DLGAP1: variants seen among roughly 807,000 people sequenced by gnomAD.
DLGAP1 encodes disks large-associated protein 1.
Under a neutral mutation model 90.8 loss-of-function variants are expected in DLGAP1, and 11 were observed. The observed-to-expected ratio is 0.12, with a 90% CI of 0.08 to 0.20. DLGAP1 has a LOEUF of 0.20. Among genes scored for constraint, DLGAP1 ranks in the 10% least tolerant of loss-of-function variants. DLGAP1 has a pLI of 1.00. For synonymous variants in DLGAP1, 558 were observed against 540.7 expected, an observed-to-expected ratio of 1.03 and a Z score of -0.44; for missense variants, 1,050 against 1,333.8, an observed-to-expected ratio of 0.79 and a Z score of 3.31.
intron 5 of DLGAP1, among the ~76,000 whole-genome samples, chr18:3,746,827 A>C (rs1309532290): frequency 6.6e-6 from 1 of 152,204 alleles, no homozygotes; most frequent in African/African-American, 2.4e-5. Flanking sequence ...AATTGTAAAG[A>C]TATTCCCTAT....
chr18:3,743,354 A>G (rs956406002), intron 5 of DLGAP1, among the ~76,000 whole-genome samples: 1 of 149,556 alleles, frequency 6.7e-6, no homozygotes, highest in African/African-American at 2.5e-5. Context: ...TTTAATTTTA[A>G]TTTTTTTTTT....
intron 1 of DLGAP1, among the ~76,000 whole-genome samples, chr18:4,321,527 C>G (rs1447525574): frequency 2.6e-5 from 4 of 152,128 alleles, no homozygotes; most frequent in Non-Finnish European, 4.4e-5. Context: ...AGTCCCCACC[C>G]CACAGATCCT....
At chr18:3,862,256 G>T (rs2070115867) in intron 4 of DLGAP1, among the ~76,000 whole-genome samples, 1 of 152,216 alleles carries the variant, frequency 6.6e-6, no homozygotes, top group African/African-American at 2.4e-5. Context: ...CCAGCCAAGG[G>T]ACTGGCTGTA....
chr18:3,605,110 G>T (rs1004118793), intron 7 of DLGAP1, among the ~76,000 whole-genome samples: 40 of 152,290 alleles, frequency 2.6e-4, no homozygotes, highest in African/African-American at 8.9e-4. Context: ...CTCAGGATAA[G>T]AGTTCCTATT....
At chr18:4,435,354 T>C (rs1223022013) in intron 1 of DLGAP1, among the ~76,000 whole-genome samples, 1 of 152,110 alleles carries the variant, frequency 6.6e-6, no homozygotes, top group African/African-American at 2.4e-5. Context: ...GGATGATGTA[T>C]ATGAAACAGA....
intron 1 of DLGAP1, among the ~76,000 whole-genome samples, chr18:4,405,435 A>G (rs181863267): frequency 2.6e-5 from 4 of 152,350 alleles, no homozygotes; most frequent in Admixed American, 2.6e-4. Flanking sequence ...AGAAAAAAAA[A>G]CATATTTCCT....
chr18:4,382,289 G>C (rs78626618), intron 1 of DLGAP1, among the ~76,000 whole-genome samples: 1 of 151,946 alleles, frequency 6.6e-6, no homozygotes, highest in Non-Finnish European at 1.5e-5. Context: ...TATATAACGA[G>C]GATAATTGTA....
chr18:4,435,907 C>T (rs947233025), intron 1 of DLGAP1, among the ~76,000 whole-genome samples: 4 of 152,098 alleles, frequency 2.6e-5, no homozygotes, highest in Admixed American at 6.6e-5. Flanking sequence ...AGAGCTGAGG[C>T]GGGCTTAGGG....
intron 3 of DLGAP1, among the ~76,000 whole-genome samples, chr18:3,948,116 G>C (rs1201529698): frequency 6.6e-6 from 1 of 152,124 alleles, no homozygotes; most frequent in African/African-American, 2.4e-5. Flanking sequence ...ACACAGAAGA[G>C]ACCAACTGAA....
At chr18:4,432,800 A>T (rs2083318143) in intron 1 of DLGAP1, among the ~76,000 whole-genome samples, 1 of 152,102 alleles carries the variant, frequency 6.6e-6, no homozygotes, top group Admixed American at 6.6e-5. Context: ...GCTCTAAGGA[A>T]TATTCTTATA....
chr18:3,600,785 T>TATATAGATATATATAG lies in DLGAP1; in HGVS notation c.1592-18538_1592-18537insCTATATATATCTATAT, dbSNP rs1568278087. Among the ~76,000 whole-genome samples the TATATAGATATATATAG allele has an allele frequency of 5.5e-3, 408 of 74,048 alleles. 58 individuals carry two copies. The highest frequency in any genetic ancestry group is 0.019 in the African/African-American group (294 of 15,764). The allele number at this position is 74,048 out of a possible 152,430, so 48.6% of individuals were successfully genotyped here. On this transcript the variant is annotated intron_variant, in intron 7 of 12. Coordinates refer to ENST00000315677, the MANE Select transcript of DLGAP1 (RefSeq NM_004746.4). ...ATATAGATATATATAGATATATAGATATATATAGATATATAGATATATAGA... is the reference window on the plus strand; with the variant it reads ...ATATAGATATATATAGATATATAGATATATAGATATATATAGATATATAGATATATAGATATATAGA...
At chr18:3,598,064 C>G (rs2056683335) in intron 7 of DLGAP1, 1 of 152,286 alleles carries the variant, frequency 6.6e-6, no homozygotes, top group Non-Finnish European at 1.5e-5. Flanking sequence ...AAAAATTATG[C>G]CTTGGGCCGG....
At chr18:3,525,187 C>G (rs897785460) in intron 10 of DLGAP1, among the ~76,000 whole-genome samples, 1 of 151,786 alleles carries the variant, frequency 6.6e-6, no homozygotes, top group Non-Finnish European at 1.5e-5. Flanking sequence ...TCCAACCCCT[C>G]CAGGAGCCTT....
chr18:3,948,098 C>T (rs866135921), intron 3 of DLGAP1, among the ~76,000 whole-genome samples: 8 of 152,108 alleles, frequency 5.3e-5, no homozygotes, highest in African/African-American at 1.9e-4. Context: ...GCTGGGGCTT[C>T]GTTAGGAACA....
chr18:3,609,146 C>A (rs1458776570), intron 7 of DLGAP1, among the ~76,000 whole-genome samples: 2 of 117,346 alleles, frequency 1.7e-5, no homozygotes, highest in Admixed American at 7.9e-5. Flanking sequence ...TAATACTCTC[C>A]CTTGCAGTGT....
chr18:3,855,451 G>A (rs529929125), intron 4 of DLGAP1, among the ~76,000 whole-genome samples: 3 of 152,074 alleles, frequency 2.0e-5, no homozygotes, highest in Non-Finnish European at 4.4e-5. Flanking sequence ...AAAAAAAGCT[G>A]AAGGAATTAG....
intron 2 of DLGAP1, among the ~76,000 whole-genome samples, chr18:4,051,828 G>A (rs930680396): frequency 6.6e-6 from 1 of 152,186 alleles, no homozygotes; most frequent in African/African-American, 2.4e-5. Flanking sequence ...AGATACAAGT[G>A]GGGTACAGAC....
chr18:3,789,444 G>A (rs996919515), intron 5 of DLGAP1, among the ~76,000 whole-genome samples: 2 of 152,204 alleles, frequency 1.3e-5, no homozygotes, highest in African/African-American at 4.8e-5. Context: ...AGGTAAGTTT[G>A]GGGGTTAAAG....
chr18:4,348,400 A>ATG (rs71160958), intron 1 of DLGAP1, among the ~76,000 whole-genome samples: 4,123 of 133,454 alleles, frequency 0.031, 87 homozygotes, highest in African/African-American at 0.056. Context: ...GAACTCAGGA[A>ATG]TGTGTGTGTG....
Sources: allele counts gnomAD v4.1 joint callset (sites outside exome capture counted in the v4.1 genomes callset), GRCh38; gene constraint gnomAD v4.1.1; transcripts MANE v1.5; gene names NCBI Gene and HGNC (gene_info 2026-07-23, HGNC 2026-07-21).